The following POF1B variants were observed in gnomAD, a reference collection of about 807,000 sequenced individuals.
POF1B encodes protein POF1B.
POF1B carries 53 observed loss-of-function variants against 55.3 expected under a neutral mutation model. The observed-to-expected ratio is 0.96, with a 90% CI of 0.77 to 1.20. The LOEUF (loss-of-function observed/expected upper bound fraction) is 1.20. Among genes scored for constraint, POF1B ranks in the 50% most tolerant of loss-of-function variants. The pLI is 0.00. For missense variants in POF1B, 478 were observed against 420.5 expected, an observed-to-expected ratio of 1.14 and a Z score of -1.20; for synonymous variants, 188 against 148.3, an observed-to-expected ratio of 1.27 and a Z score of -1.95.
At chrX:85,328,210 T>G (rs1165658015) in intron 7 of POF1B, among the ~76,000 whole-genome samples, 1 of 107,079 alleles carries the variant, frequency 9.3e-6, no homozygotes, top group Non-Finnish European at 1.9e-5. Context: ...ATTTATTTAT[T>G]TATTTATTTT....
chrX:85,342,212 A>C (rs1449104867), intron 6 of POF1B, among the ~76,000 whole-genome samples: 3 of 111,781 alleles, frequency 2.7e-5, no homozygotes, highest in African/African-American at 9.7e-5. Flanking sequence ...ATTAGTAGGG[A>C]GGACCATGGA....
rs200454908 is a variant in POF1B at position 85,282,196 on chromosome X, A to G, written c.1764+7T>C. The G allele has an allele frequency of 3.6e-5, 42 of 1,180,075 alleles. No individual in the cohort carries two copies. The African/African-American group carries it at 7.0e-4, about 20-fold the overall frequency. The stretch of plus-strand genomic sequence containing the variant: ...AAATAGGGCTAAAAATGCCCAAGTG[A>G]ACTTACACAAGTGTATTTGTCTTCT... On this transcript the variant is annotated splice_region_variant and intron_variant, in intron 16 of 16. Coordinates refer to ENST00000262753, the MANE Select transcript of POF1B (RefSeq NM_024921.4).
chrX:85,288,664 C>G (rs968741004), intron 15 of POF1B, among the ~76,000 whole-genome samples: 3 of 111,200 alleles, frequency 2.7e-5, no homozygotes, highest in African/African-American at 6.5e-5. Context: ...GGGGGCTGGT[C>G]TTTCCCATGC....
chrX:85,280,623 C>A (rs980144288), intron 16 of POF1B, among the ~76,000 whole-genome samples: 2 of 110,993 alleles, frequency 1.8e-5, no homozygotes, highest in African/African-American at 6.5e-5. Flanking sequence ...ACTTTTATAC[C>A]TCAGTAGTTT....
At chrX:85,372,942 A>G (rs1049423964) in intron 2 of POF1B, among the ~76,000 whole-genome samples, 1 of 108,462 alleles carries the variant, frequency 9.2e-6, no homozygotes, top group African/African-American at 3.3e-5. Flanking sequence ...GAAAGAAGGG[A>G]AGGCAGAAGC....
In POF1B at chrX:85,299,995, C is replaced by G. The variant is rs780654701; in HGVS notation, c.1649+3411G>C. 7.1e-5 allele frequency among the ~76,000 whole-genome samples: 8 copies of G among 112,577 alleles called. No homozygotes were observed. In the South Asian group the frequency reaches 1.8e-3, roughly 26 times the overall value. ...CTCGTAGCTCAACCAATTTGCAAAT[C>G]CTTTTTCCTGGGAACATTTGTCGAA... On this transcript the variant is annotated intron_variant, in intron 15 of 16. Coordinates refer to ENST00000262753, the MANE Select transcript of POF1B (RefSeq NM_024921.4).
At chrX:85,366,192 G>C (rs187523873) in intron 3 of POF1B, among the ~76,000 whole-genome samples, 98 of 111,703 alleles carry the variant, frequency 8.8e-4, no homozygotes, top group African/African-American at 2.8e-3. Flanking sequence ...AGGTTCAGCA[G>C]GGCAGGTATT....
intron 4 of POF1B, among the ~76,000 whole-genome samples, chrX:85,352,668 T>G (rs751900721): frequency 9.0e-6 from 1 of 111,498 alleles, no homozygotes; most frequent in African/African-American, 3.2e-5. Flanking sequence ...TTTGTGTTTG[T>G]TTGTTTGTTT....
chrX:85,359,025 T>TA (rs1457337992), intron 4 of POF1B, among the ~76,000 whole-genome samples: 1 of 111,023 alleles, frequency 9.0e-6, no homozygotes, highest in Non-Finnish European at 1.9e-5. Context: ...TATATCTCAG[T>TA]AAAAAAATGT....
chrX:85,324,187 G>C (rs1481774139), intron 7 of POF1B, among the ~76,000 whole-genome samples: 1 of 111,923 alleles, frequency 8.9e-6, no homozygotes, highest in Non-Finnish European at 1.9e-5. Context: ...AGAATGTATA[G>C]TCTGTTGTTT....
At chrX:85,302,916 T>A (rs1362707623) in intron 15 of POF1B, among the ~76,000 whole-genome samples, 2 of 111,970 alleles carry the variant, frequency 1.8e-5, no homozygotes, top group Non-Finnish European at 3.8e-5. Context: ...TTTTGCTAAA[T>A]GGCTGGAATG....
intron 15 of POF1B, among the ~76,000 whole-genome samples, chrX:85,287,416 T>A: frequency 9.0e-6 from 1 of 111,089 alleles, no homozygotes; most frequent in Non-Finnish European, 1.9e-5. Flanking sequence ...GGGATATCCC[T>A]ATAGGTCCTA....
At chrX:85,359,697 A>G in intron 3 of POF1B, 67 bp from the exon 4 acceptor site, 1 of 710,335 alleles carries the variant, frequency 1.4e-6, no homozygotes, top group South Asian at 2.6e-5. Flanking sequence ...TATCAATAAT[A>G]ATAGGGAACA....
chrX:85,364,016 T>C (rs1933672910), intron 3 of POF1B, among the ~76,000 whole-genome samples: 1 of 112,140 alleles, frequency 8.9e-6, no homozygotes, highest in South Asian at 3.7e-4. Context: ...TTCTTTGTCT[T>C]TTTAAAAATC....
chrX:85,315,040 A>G (rs907986028), intron 8 of POF1B, among the ~76,000 whole-genome samples: 4 of 111,622 alleles, frequency 3.6e-5, no homozygotes, highest in African/African-American at 1.3e-4. Context: ...ATTTTAAGTG[A>G]GTAGCTGAAG....
At chrX:85,356,983 G>A (rs1295454410) in intron 4 of POF1B, among the ~76,000 whole-genome samples, 1 of 111,431 alleles carries the variant, frequency 9.0e-6, no homozygotes, top group Admixed American at 9.5e-5. Flanking sequence ...CCAACTTGAA[G>A]TAGACCCTTC....
At chrX:85,346,121 T>C in intron 5 of POF1B, 79 bp from the exon 6 acceptor site, 1 of 730,265 alleles carries the variant, frequency 1.4e-6, no homozygotes, top group South Asian at 6.0e-5. Flanking sequence ...AACCATTTTT[T>C]TAAACTTAAT....
chrX:85,359,499 T>C, intron 4 of POF1B, 51 bp downstream of exon 4: 4 of 942,428 alleles, frequency 4.2e-6, no homozygotes, highest in Non-Finnish European at 6.1e-6. Context: ...CCTTTTTGTT[T>C]AAGCAATTAA....
intron 15 of POF1B, among the ~76,000 whole-genome samples, chrX:85,292,815 TAAC>T (rs1932221035): frequency 9.5e-6 from 1 of 104,747 alleles, no homozygotes; most frequent in Non-Finnish European, 1.9e-5. Context: ...GTAAGGAACT[TAAC>T]AAGTTTACAA....
Sources: gnomAD v4.1 joint callset for allele counts (sites outside exome capture counted in the v4.1 genomes callset) on GRCh38, gnomAD v4.1.1 for gene constraint, MANE v1.5 for transcripts, NCBI Gene and HGNC (gene_info 2026-07-23, HGNC 2026-07-21) for gene names.